Variants in STT3B observed in about 807,000 individuals in gnomAD.
STT3B encodes dolichyl-diphosphooligosaccharide--protein glycosyltransferase subunit STT3B.
Under a neutral mutation model 96.8 loss-of-function variants are expected in STT3B, and 29 were observed. The ratio of observed to expected loss-of-function variants is 0.30; its 90% confidence interval spans 0.22 to 0.41. STT3B has a LOEUF of 0.41. Ranked by LOEUF, STT3B falls within the 10% of genes least tolerant of loss-of-function variation. The pLI is 1.00. For missense variants in STT3B, 640 were observed against 1,022.3 expected, an observed-to-expected ratio of 0.63 and a Z score of 5.10; for synonymous variants, 367 against 360.0, an observed-to-expected ratio of 1.02 and a Z score of -0.22.
intron 5 of STT3B, among the ~76,000 whole-genome samples, chr3:31,604,132 A>C (rs1476597979): frequency 6.6e-6 from 1 of 152,160 alleles, no homozygotes; most frequent in Non-Finnish European, 1.5e-5. Flanking sequence ...TGTTTTCTGC[A>C]GTGAGTTGAG....
intron 1 of STT3B, among the ~76,000 whole-genome samples, chr3:31,545,903 G>A (rs879320250): frequency 2.0e-5 from 3 of 151,556 alleles, no homozygotes; most frequent in African/African-American, 4.9e-5. Flanking sequence ...GTGGCCCAGG[G>A]AAGCCGAAAG....
intron 1 of STT3B, chr3:31,533,533 G>A (rs1697002834): frequency 1.3e-5 from 6 of 459,966 alleles, no homozygotes; most frequent in Non-Finnish European, 2.0e-5. Context: ...GTCCAGGAGC[G>A]AAACCTTGAT....
At chr3:31,607,347 A>G (rs982324520) in intron 5 of STT3B, among the ~76,000 whole-genome samples, 2 of 152,076 alleles carry the variant, frequency 1.3e-5, no homozygotes, top group Non-Finnish European at 2.9e-5. Flanking sequence ...CCCCACCCAA[A>G]TCTCATCTTG....
intron 3 of STT3B, among the ~76,000 whole-genome samples, chr3:31,594,813 A>C (rs1448101346): frequency 6.6e-6 from 1 of 152,118 alleles, no homozygotes; most frequent in Non-Finnish European, 1.5e-5. Flanking sequence ...AAGATACCCT[A>C]AATTATACAG....
At chr3:31,559,181 GTGTGTGTGTT>G (rs201558162) in intron 1 of STT3B, among the ~76,000 whole-genome samples, 5,085 of 145,274 alleles carry the variant, frequency 0.035, 240 homozygotes, top group East Asian at 0.28. Flanking sequence ...GTGTGTGTGT[GTGTGTGTGTT>G]GTCTCTTTCA....
At chr3:31,573,943 C>T (rs1698211415) in intron 1 of STT3B, among the ~76,000 whole-genome samples, 1 of 151,716 alleles carries the variant, frequency 6.6e-6, no homozygotes, top group African/African-American at 2.4e-5. Flanking sequence ...CTGTTGTAGT[C>T]ATTAAAGCCA....
chr3:31,573,628 G>C (rs1435796471), intron 1 of STT3B, among the ~76,000 whole-genome samples: 1 of 152,178 alleles, frequency 6.6e-6, no homozygotes, highest in Non-Finnish European at 1.5e-5. Flanking sequence ...TGTTTTGGGA[G>C]TGGATGGTAG....
chr3:31,571,026 C>T (rs1284942130), intron 1 of STT3B, among the ~76,000 whole-genome samples: 1 of 152,170 alleles, frequency 6.6e-6, no homozygotes, highest in African/African-American at 2.4e-5. Flanking sequence ...GGAACAGACA[C>T]TGAAGCCCAA....
chr3:31,618,251 G>C (rs2125473583), intron 8 of STT3B, among the ~76,000 whole-genome samples: 1 of 148,702 alleles, frequency 6.7e-6, no homozygotes, highest in Non-Finnish European at 1.5e-5. Context: ...AGAATATTTA[G>C]GTTACCTTTG....
chr3:31,553,286 C>A (rs901804313), intron 1 of STT3B, among the ~76,000 whole-genome samples: 1 of 151,932 alleles, frequency 6.6e-6, no homozygotes, highest in Non-Finnish European at 1.5e-5. Context: ...AAACCTGTGT[C>A]CTTAAAAAAG....
chr3:31,564,930 T>G (rs1186794205), intron 1 of STT3B, among the ~76,000 whole-genome samples: 1 of 152,178 alleles, frequency 6.6e-6, no homozygotes. Flanking sequence ...TTTATTCAAA[T>G]CAAAATACCA....
chr3:31,574,402 A>G (rs1217258823), intron 1 of STT3B, among the ~76,000 whole-genome samples: 1 of 152,162 alleles, frequency 6.6e-6, no homozygotes, highest in Non-Finnish European at 1.5e-5. Context: ...ACAGTGTTTA[A>G]TTTAGCTTTT....
chr3:31,535,425 A>C (rs1290095807), intron 1 of STT3B, among the ~76,000 whole-genome samples: 2 of 151,802 alleles, frequency 1.3e-5, no homozygotes, highest in African/African-American at 4.8e-5. Flanking sequence ...TTTTTCATGC[A>C]CATGAAAATA....
intron 1 of STT3B, among the ~76,000 whole-genome samples, chr3:31,557,803 T>G (rs989067494): frequency 6.6e-6 from 1 of 152,144 alleles, no homozygotes; most frequent in Non-Finnish European, 1.5e-5. Flanking sequence ...TGGCTAATTT[T>G]TCACATTTTT....
chr3:31,587,915 T>TAGGGCTTATGAAA (rs1356712614), intron 3 of STT3B, among the ~76,000 whole-genome samples: 2 of 152,196 alleles, frequency 1.3e-5, no homozygotes, highest in Non-Finnish European at 2.9e-5. Context: ...GACTACTTGG[T>TAGGGCTTATGAAA]AGGGCTTATG....
At chr3:31,583,311 T>TA (rs1005501774) in intron 3 of STT3B, among the ~76,000 whole-genome samples, 24 of 150,872 alleles carry the variant, frequency 1.6e-4, no homozygotes, top group South Asian at 2.1e-4. Context: ...ACCTTTTTTT[T>TA]AAAAAAAAAA....
chr3:31,576,210 A>T (rs1698259865), intron 1 of STT3B, among the ~76,000 whole-genome samples, 186 bp from the exon 2 acceptor site: 1 of 152,028 alleles, frequency 6.6e-6, no homozygotes, highest in East Asian at 1.9e-4. Context: ...TGTGGGTTTG[A>T]AGTTGGGGGC....
intron 5 of STT3B, among the ~76,000 whole-genome samples, chr3:31,604,637 T>C (rs1699007565): frequency 6.6e-6 from 1 of 152,348 alleles, no homozygotes; most frequent in East Asian, 1.9e-4. Flanking sequence ...AAGGAGTGTA[T>C]ATTATACAGT....
intron 14 of STT3B, 78 bp from the exon 15 acceptor site, chr3:31,632,857 A>C: frequency 8.1e-7 from 1 of 1,232,584 alleles, no homozygotes; most frequent in African/African-American, 1.5e-5. Context: ...GTATTACTGT[A>C]ATGATAACAC....
Sources: allele counts gnomAD v4.1 joint callset (sites outside exome capture counted in the v4.1 genomes callset), GRCh38; gene constraint gnomAD v4.1.1; transcripts MANE v1.5; gene names NCBI Gene and HGNC (gene_info 2026-07-23, HGNC 2026-07-21).